The following ATF7IP2 variants were observed in gnomAD, a reference collection of about 807,000 sequenced individuals.
ATF7IP2 encodes activating transcription factor 7-interacting protein 2.
Under a neutral mutation model 64.2 loss-of-function variants are expected in ATF7IP2, and 42 were observed. The ratio of observed to expected loss-of-function variants is 0.65; its 90% confidence interval spans 0.51 to 0.85. The LOEUF is 0.85. Among genes scored for constraint, ATF7IP2 ranks in the 40% least tolerant of loss-of-function variants. ATF7IP2 has a pLI of 0.00. For missense variants in ATF7IP2, 933 were observed against 784.2 expected, an observed-to-expected ratio of 1.19 and a Z score of -2.27; for synonymous variants, 308 against 272.8, an observed-to-expected ratio of 1.13 and a Z score of -1.27.
chr16:10,428,156 GAGGTGCAA>G (rs1246015661), intron 3 of ATF7IP2, among the ~76,000 whole-genome samples: 1 of 152,212 alleles, frequency 6.6e-6, no homozygotes, highest in Non-Finnish European at 1.5e-5. Context: ...GGATGGAGAA[GAGGTGCAA>G]GGGGCATAGT....
chr16:10,414,070 C>T (rs1055991771), intron 1 of ATF7IP2, among the ~76,000 whole-genome samples: 4 of 152,126 alleles, frequency 2.6e-5, no homozygotes, highest in African/African-American at 9.7e-5. Flanking sequence ...AGGTGATGCT[C>T]TTTTTGCAGT....
intron 13 of ATF7IP2, among the ~76,000 whole-genome samples, chr16:10,481,464 T>C (rs1567183641): frequency 6.6e-6 from 1 of 152,174 alleles, no homozygotes; most frequent in Non-Finnish European, 1.5e-5. Context: ...TTTGTATTTT[T>C]AGTAGAGACA....
At position 10,483,342 on chromosome 16, in the gene ATF7IP2, T is replaced by C. The variant is rs1286496299; in HGVS notation, c.*1093T>C. On this transcript the variant is annotated 3_prime_UTR_variant, in exon 14 of 14. Transcript: ENST00000562102. ...CATTTCCTGGCCACCATCACAATAC[T>C]AAGGGGCTCAGATGTGTCTTGTGCC... 1 of 152,178 alleles carries C rather than the reference T, an allele frequency of 6.6e-6. No individual in the cohort carries two copies. The highest frequency in any genetic ancestry group is 6.5e-5 in the Admixed American group (1 of 15,278). The allele number at this position is 152,178 out of a possible 1,614,324, so 9.4% of individuals were successfully genotyped here.
intron 12 of ATF7IP2, among the ~76,000 whole-genome samples, chr16:10,478,232 C>CA (rs2050082830): frequency 6.7e-6 from 1 of 149,750 alleles, no homozygotes; most frequent in African/African-American, 2.5e-5. Flanking sequence ...CTGGAGGCAT[C>CA]ACACTACCTG....
chr16:10,422,013 C>T (rs1229876455), intron 3 of ATF7IP2, among the ~76,000 whole-genome samples: 1 of 152,236 alleles, frequency 6.6e-6, no homozygotes, highest in Non-Finnish European at 1.5e-5. Context: ...GCAATGCCCC[C>T]ATAGGTTGTA....
At chr16:10,427,129 C>T (rs770670918) in intron 3 of ATF7IP2, among the ~76,000 whole-genome samples, 7 of 152,150 alleles carry the variant, frequency 4.6e-5, no homozygotes, top group Non-Finnish European at 1.0e-4. Flanking sequence ...GCTGGGATTA[C>T]AGGCTTGAGC....
At chr16:10,465,343 T>G (rs1276763504) in intron 9 of ATF7IP2, among the ~76,000 whole-genome samples, 1 of 152,062 alleles carries the variant, frequency 6.6e-6, no homozygotes, top group Non-Finnish European at 1.5e-5. Flanking sequence ...ATTTTAGACA[T>G]AGAAATGTTT....
chr16:10,386,537 C>T (rs1444396329), intron 1 of ATF7IP2: 1 of 152,118 alleles, frequency 6.6e-6, no homozygotes, highest in Non-Finnish European at 1.5e-5. Flanking sequence ...GTCCCATTGC[C>T]AAATTTTCTT....
chr16:10,405,453 C>T (rs899167284), intron 1 of ATF7IP2, among the ~76,000 whole-genome samples: 1 of 152,130 alleles, frequency 6.6e-6, no homozygotes, highest in Admixed American at 6.6e-5. Flanking sequence ...ACTGTTAGTC[C>T]AAGCTGCATT....
chr16:10,420,712 A>C (rs2047974250), intron 3 of ATF7IP2, among the ~76,000 whole-genome samples: 1 of 152,262 alleles, frequency 6.6e-6, no homozygotes, highest in Non-Finnish European at 1.5e-5. Context: ...ATCTGTGTGA[A>C]ATCGTAACTG....
intron 8 of ATF7IP2, among the ~76,000 whole-genome samples, chr16:10,451,976 C>T (rs979725115): frequency 2.6e-5 from 4 of 152,092 alleles, no homozygotes; most frequent in South Asian, 2.1e-4. Context: ...CGCTTGAACC[C>T]GGGAGGCAGA....
chr16:10,468,100 G>C (rs1045932050), intron 9 of ATF7IP2, among the ~76,000 whole-genome samples: 1 of 145,222 alleles, frequency 6.9e-6, no homozygotes, highest in Non-Finnish European at 1.5e-5. Flanking sequence ...GGCTGGTCTC[G>C]AACTCCCGAC....
chr16:10,392,507 G>C (rs921021076), intron 1 of ATF7IP2, among the ~76,000 whole-genome samples: 5 of 151,844 alleles, frequency 3.3e-5, no homozygotes, highest in African/African-American at 1.2e-4. Context: ...GTTAACCCCA[G>C]GCCCAAATGG....
At chr16:10,475,692 C>CAA (rs113253742) in intron 12 of ATF7IP2, among the ~76,000 whole-genome samples, 12 of 26,196 alleles carry the variant, frequency 4.6e-4, no homozygotes, top group East Asian at 2.7e-3. Flanking sequence ...AACTCCGTCT[C>CAA]AAAAAAAAAA....
chr16:10,453,594 G>A (rs1194153694), intron 8 of ATF7IP2, among the ~76,000 whole-genome samples: 1 of 152,148 alleles, frequency 6.6e-6, no homozygotes, highest in Non-Finnish European at 1.5e-5. Flanking sequence ...CTTAGATTCT[G>A]AAAACTGAGC....
chr16:10,443,094 G>T (rs551777830), intron 8 of ATF7IP2, among the ~76,000 whole-genome samples: 1 of 152,120 alleles, frequency 6.6e-6, no homozygotes, highest in African/African-American at 2.4e-5. Flanking sequence ...GAATTAGAGC[G>T]CAAGTACTGC....
In ATF7IP2 at chr16:10,482,245, C is replaced by T. The variant is rs117687498; in HGVS notation, c.2045C>T (p.Thr682Met). Residue 682 changes from threonine to methionine, a missense_variant, in exon 14 of 14, where the codon ACG becomes ATG. Thr to Met is a moderately conservative substitution (Grantham distance 81). Transcript: ENST00000562102. Reference sequence around the variant, plus strand: ...ATCCCTGGGTTTTCTGAAAATCTTACGTAAAAGGTGTTTAATAATGATATA... The same window carrying T: ...ATCCCTGGGTTTTCTGAAAATCTTATGTAAAAGGTGTTTAATAATGATATA... ...KSIPGFSENLT is the reference protein window; with the variant it reads ...KSIPGFSENLM 1.8e-3 allele frequency: 2,840 copies of T among 1,572,416 alleles called. 82 individuals carry two copies. In the East Asian group the frequency reaches 0.051, roughly 28 times the overall value.
intron 2 of ATF7IP2, among the ~76,000 whole-genome samples, chr16:10,419,254 T>G (rs1237256874): frequency 2.6e-5 from 4 of 152,030 alleles, no homozygotes; most frequent in African/African-American, 9.7e-5. Flanking sequence ...AGTGAGGGGG[T>G]AGGCAACTGG....
intron 9 of ATF7IP2, among the ~76,000 whole-genome samples, chr16:10,466,895 C>T (rs189905944): frequency 1.3e-5 from 2 of 151,148 alleles, no homozygotes; most frequent in Non-Finnish European, 2.9e-5. Flanking sequence ...TGTTTTAATG[C>T]TCTTGTTTTA....
Sources: allele counts gnomAD v4.1 joint callset (sites outside exome capture counted in the v4.1 genomes callset), GRCh38; gene constraint gnomAD v4.1.1; transcripts MANE v1.5; gene names NCBI Gene and HGNC (gene_info 2026-07-23, HGNC 2026-07-21).